The following AGBL2 variants were observed in gnomAD, a reference collection of about 807,000 sequenced individuals.
The protein encoded by AGBL2 is AGBL carboxypeptidase 2.
A neutral mutation model predicts 103.0 loss-of-function variants in AGBL2; 87 were observed. The ratio of observed to expected loss-of-function variants is 0.84; its 90% CI spans 0.71 to 1.01. The LOEUF is 1.01. Among genes scored for constraint, AGBL2 ranks in the 50% least tolerant of loss-of-function variants. The probability of loss-of-function intolerance (pLI) is 0.00; values close to 1 mark genes in which losing one functional copy is unlikely to be tolerated. For synonymous variants in AGBL2, 335 were observed against 356.7 expected (o/e 0.94, Z 0.69); for missense variants, 904 against 1,023.5 (o/e 0.88, Z 1.59).
At chr11:47,709,117 C>T (rs189647861) in intron 4 of AGBL2, among the ~76,000 whole-genome samples, 1 of 152,038 alleles carries the variant, frequency 6.6e-6, no homozygotes, top group Non-Finnish European at 1.5e-5. Flanking sequence ...AGCGAGACTC[C>T]GTCTCAAAAC....
Position 47,682,041 on chromosome 11 carries a change from G to T in AGBL2, c.1843C>A (p.Arg615=). 6.2e-7 allele frequency: 1 copy of T among 1,614,046 alleles called. No homozygotes were observed. Among genetic ancestry groups the T allele is most frequent in the Non-Finnish European group, 8.5e-7 (1 of 1,179,988 alleles). Residue 615 remains arginine, a synonymous_variant, in exon 12 of 19, where the codon CGA becomes AGA. Coordinates refer to ENST00000525123, the MANE Select transcript of AGBL2 (RefSeq NM_024783.4). ...ATTCCCATCCGCCACATAACAACTC[G>T]TCCTGTTCCTTCTTTGCATTTTTGG... ...KVQKCKEGTG[R]VVMWRMGILN...
intron 1 of AGBL2, 142 bp downstream of exon 1, chr11:47,715,033 G>T: frequency 4.5e-6 from 1 of 219,952 alleles, no homozygotes; most frequent in Non-Finnish European, 9.2e-6. Flanking sequence ...AAGTCGTCTC[G>T]GTAGGTGCCG....
chr11:47,668,938 T>A, intron 14 of AGBL2, 31 bp from the exon 15 acceptor site: 3 of 1,495,426 alleles, frequency 2.0e-6, no homozygotes, highest in Non-Finnish European at 2.8e-6. Flanking sequence ...GAAGAGGAAA[T>A]AACTGTCATT....
At chr11:47,663,593 G>A (rs965662687) in intron 17 of AGBL2, among the ~76,000 whole-genome samples, 9 of 146,392 alleles carry the variant, frequency 6.1e-5, no homozygotes, top group Admixed American at 2.8e-4. Flanking sequence ...TTTCACTCTT[G>A]TTGCCCAGGC....
chr11:47,685,765 C>G (rs2097421160), intron 11 of AGBL2, 128 bp downstream of exon 11: 2 of 1,034,024 alleles, frequency 1.9e-6, no homozygotes, highest in Admixed American at 2.4e-5. Flanking sequence ...TTCTTGAAGT[C>G]TAGGTTGCTC....
In AGBL2 at chr11:47,663,094, C is replaced by T. The variant is rs763626750; in HGVS notation, c.2467G>A (p.Asp823Asn). ...GATGGGTCCAGGGGGGTGTCTTTGT[C>T]TCTTCTATTTAAATTTGTCTAAAAT... Reference protein sequence around the residue: ...RLNETNLNRRDKDTPLDPSMA... With the variant: ...RLNETNLNRRNKDTPLDPSMA... Residue 823 changes from aspartate (D) to asparagine (N), a missense_variant, in exon 18 of 19, where the codon GAC becomes AAC. By Grantham distance (23) the Asp-to-Asn change is conservative. Coordinates refer to ENST00000525123, the MANE Select transcript of AGBL2 (RefSeq NM_024783.4). 4 of 1,590,916 alleles carry T rather than the reference C, an allele frequency of 2.5e-6. No homozygotes were observed. Among genetic ancestry groups the T allele is most frequent in the East Asian group, 4.5e-5 (2 of 44,466 alleles).
intron 17 of AGBL2, chr11:47,666,701 GGTAA>G (rs1322325574): frequency 3.3e-6 from 2 of 598,238 alleles, no homozygotes; most frequent in Middle Eastern, 2.6e-4. Flanking sequence ...ATGAATGGAT[GGTAA>G]GTAAGGCAGC....
At chr11:47,676,109 C>G (rs1266927725) in intron 14 of AGBL2, among the ~76,000 whole-genome samples, 2 of 152,066 alleles carry the variant, frequency 1.3e-5, no homozygotes, top group African/African-American at 4.8e-5. Flanking sequence ...GAGGTCTCCA[C>G]TAAATATATA....
intron 4 of AGBL2, among the ~76,000 whole-genome samples, chr11:47,710,045 C>T (rs1197839300): frequency 6.6e-6 from 1 of 151,792 alleles, no homozygotes; most frequent in South Asian, 2.1e-4. Flanking sequence ...TGTGTCACCA[C>T]ACCCGGCTAA....
At chr11:47,705,000 A>T (rs2097512535) in intron 6 of AGBL2, 2 of 267,912 alleles carry the variant, frequency 7.5e-6, no homozygotes, top group South Asian at 2.7e-4. Flanking sequence ...TTAATGGTCC[A>T]AGACATTTCA....
At position 47,690,720 on chromosome 11, in the gene AGBL2, CTT is replaced by C; in HGVS notation, c.985_986del (p.Lys329GlufsTer30). ...GCTTCATCCCTACAGTATAAAGACT[CTT>C]GGGTTTTAGCAAGTTGACAATGGTG... Reference protein sequence around the residue: ...RFTIVNLLKPKSLYTVGMKPL... With the variant: ...RFTIVNLLKPXSLYTVGMKPL... On this transcript the variant is annotated frameshift_variant, in exon 10 of 19. Coordinates refer to ENST00000525123, the MANE Select transcript of AGBL2 (RefSeq NM_024783.4). LOFTEE classifies it high-confidence loss of function. 1 of 1,614,084 alleles carries C rather than the reference CTT, an allele frequency of 6.2e-7. No homozygotes were observed. The highest frequency in any genetic ancestry group is 8.5e-7 in the Non-Finnish European group (1 of 1,180,026).
intron 3 of AGBL2, among the ~76,000 whole-genome samples, chr11:47,711,711 T>G (rs1230110341): frequency 6.6e-6 from 1 of 152,090 alleles, no homozygotes; most frequent in Non-Finnish European, 1.5e-5. Context: ...TTTTTTGTAT[T>G]TTTAGTAGAG....
At chr11:47,681,222 C>T (rs1378710904) in intron 12 of AGBL2, among the ~76,000 whole-genome samples, 1 of 151,778 alleles carries the variant, frequency 6.6e-6, no homozygotes. Flanking sequence ...GTCCCAGCTA[C>T]ACGACGGGCT....
intron 10 of AGBL2, among the ~76,000 whole-genome samples, chr11:47,689,584 C>T (rs369664018): frequency 1.3e-5 from 2 of 152,142 alleles, no homozygotes; most frequent in African/African-American, 4.8e-5. Context: ...GGATTACAGC[C>T]GTGAGCCACC....
intron 14 of AGBL2, among the ~76,000 whole-genome samples, chr11:47,671,525 C>T (rs1403725025): frequency 7.0e-6 from 1 of 142,564 alleles, no homozygotes; most frequent in African/African-American, 2.8e-5. Context: ...GAGACTCCAT[C>T]TCAAAAACAA....
rs1468512810 is a variant in AGBL2, at chr11:47,705,641, CAAAAAAAAAAAAAAAAGAAAAA to C, written c.287-29_287-8del. On this transcript the variant is annotated splice_region_variant and splice_polypyrimidine_tract_variant and intron_variant, in intron 5 of 18. Coordinates refer to ENST00000525123, the MANE Select transcript of AGBL2 (RefSeq NM_024783.4). Reference sequence around the variant, plus strand: ...CCCAGGCAAGAGTGAAAGTCTGTGTCAAAAAAAAAAAAAAAAGAAAAAGAAAAAGAAGAAAGGGAATGAGGAA... The same window carrying C: ...CCCAGGCAAGAGTGAAAGTCTGTGTCGAAAAAGAAGAAAGGGAATGAGGAA... The C allele has an allele frequency of 2.6e-6, 1 of 381,294 alleles. No individual in the cohort carries two copies. The highest frequency in any genetic ancestry group is 4.6e-6 in the Non-Finnish European group (1 of 217,646). The allele number at this position is 381,294 out of a possible 1,614,324, so 23.6% of individuals were successfully genotyped here. A position where few individuals can be genotyped will look rare whatever the true frequency, so the allele number is the denominator to read the frequency against.
At chr11:47,706,788 C>T (rs560800019) in intron 4 of AGBL2, among the ~76,000 whole-genome samples, 5 of 150,254 alleles carry the variant, frequency 3.3e-5, no homozygotes, top group African/African-American at 1.2e-4. Context: ...GTGGCTCACA[C>T]CTGTAATCCC....
In AGBL2 at chr11:47,677,288, CAAAG is replaced by C; in HGVS notation, c.2126_2129del (p.Ser709CysfsTer23). ...TTTGTTACCTGGATTCAATGTCAGA[CAAAG>C]AGATGTCACTCCAACTTCCTTCTAA... On this transcript the variant is annotated frameshift_variant, in exon 14 of 19. Coordinates refer to ENST00000525123, the MANE Select transcript of AGBL2 (RefSeq NM_024783.4). LOFTEE classifies it high-confidence loss of function. 1 of 1,595,934 alleles carries C rather than the reference CAAAG, an allele frequency of 6.3e-7. No homozygotes were observed.
At chr11:47,683,406 T>C (rs1034639961) in intron 11 of AGBL2, among the ~76,000 whole-genome samples, 2 of 152,024 alleles carry the variant, frequency 1.3e-5, no homozygotes, top group Non-Finnish European at 2.9e-5. Flanking sequence ...GAAAGCTTCC[T>C]CCTTTTCTTT....
Sources: gnomAD v4.1 joint callset for allele counts (sites outside exome capture counted in the v4.1 genomes callset) on GRCh38, gnomAD v4.1.1 for gene constraint, MANE v1.5 for transcripts, NCBI Gene and HGNC (gene_info 2026-07-23, HGNC 2026-07-21) for gene names.